Variants in MYL6 observed in about 807,000 individuals in gnomAD.
MYL6 encodes myosin light polypeptide 6.
A neutral mutation model predicts 20.3 loss-of-function variants in MYL6; 20 were observed. The observed-to-expected ratio is 0.98, with a 90% CI of 0.69 to 1.43. MYL6 has a LOEUF of 1.43. MYL6 is among the 40% of genes most tolerant of loss of function. The probability of loss-of-function intolerance (pLI) is 0.00; values close to 1 mark genes in which losing one functional copy is unlikely to be tolerated. For missense variants in MYL6, 164 were observed against 191.0 expected, an observed-to-expected ratio of 0.86 and a Z score of 0.83; for synonymous variants, 77 against 72.4, an observed-to-expected ratio of 1.06 and a Z score of -0.32.
chr12:56,160,602 A>G (rs1449641343), intron 5 of MYL6, 24 bp from the exon 6 acceptor site: 17 of 1,614,016 alleles, frequency 1.1e-5, no homozygotes, highest in Non-Finnish European at 1.4e-5. Flanking sequence ...TGTCTTCACC[A>G]TGAATGTCTC....
intron 1 of MYL6, 80 bp from the exon 2 acceptor site, chr12:56,158,604 G>A (rs1287685024): frequency 2.5e-6 from 4 of 1,613,826 alleles, no homozygotes; most frequent in South Asian, 1.1e-5. Flanking sequence ...CAGAGTTTGT[G>A]GGTCAGAGTT....
At chr12:56,158,987 T>C in intron 2 of MYL6, 1 of 1,345,182 alleles carries the variant, frequency 7.4e-7, no homozygotes, top group Non-Finnish European at 9.6e-7. Flanking sequence ...GTGTGGGGTC[T>C]CGGGAGGGTG....
chr12:56,159,333 T>C (rs1000074946), intron 2 of MYL6: 5 of 459,258 alleles, frequency 1.1e-5, no homozygotes, highest in African/African-American at 7.9e-5. Flanking sequence ...GCAGTGGAGA[T>C]TGGCAGGCCT....
chr12:56,160,000 T>C lies in MYL6; in HGVS notation c.201T>C (p.Phe67=), dbSNP rs777935989. The C allele has an allele frequency of 7.1e-5, 114 of 1,613,586 alleles. No homozygotes were observed. The highest frequency in any genetic ancestry group is 1.7e-4 in the Middle Eastern group (1 of 5,960). The part of the protein sequence containing the change: ...SDEMNVKVLD[F]EHFLPMLQTV... The stretch of plus-strand genomic sequence containing the variant: ...AGATGAATGTGAAGGTGCTGGACTT[T>C]GAGCACTTTCTGCCCATGCTGCAGA... Residue 67 remains phenylalanine, a synonymous_variant, in exon 4 of 7, where the codon TTT becomes TTC. Transcript: ENST00000550697.
chr12:56,159,117 G>C (rs971333569), intron 2 of MYL6: 13 of 361,710 alleles, frequency 3.6e-5, no homozygotes, highest in African/African-American at 2.8e-4. Context: ...GCAGTGACCT[G>C]ATATTCTGTG....
At position 56,158,989 on chromosome 12, in the gene MYL6, G is replaced by T. The variant is rs1037210141; in HGVS notation, c.31+278G>T. 7.5e-6 allele frequency: 10 copies of T among 1,338,364 alleles called. No individual in the cohort carries two copies. The African/African-American group carries it at 1.3e-4, about 18-fold the overall frequency. The allele number at this position is 1,338,364 out of a possible 1,614,324, so 82.9% of individuals were successfully genotyped here. On this transcript the variant is annotated intron_variant, in intron 2 of 6. Coordinates refer to ENST00000550697, the MANE Select transcript of MYL6 (RefSeq NM_021019.5). ...TAATGCCTGCTGTGTGTGGGGTCTCGGGAGGGTGTATAAAGCTGCCTGCTT... is the reference window on the plus strand; with the variant it reads ...TAATGCCTGCTGTGTGTGGGGTCTCTGGAGGGTGTATAAAGCTGCCTGCTT...
intron 6 of MYL6, 88 bp downstream of exon 6, chr12:56,160,758 C>A: frequency 7.2e-7 from 1 of 1,384,936 alleles, no homozygotes; most frequent in Non-Finnish European, 1.0e-6. Flanking sequence ...TGCCCTTACC[C>A]TACTACCATC....
At chr12:56,159,263 T>C in intron 2 of MYL6, 2 of 323,820 alleles carry the variant, frequency 6.2e-6, no homozygotes, top group Admixed American at 4.6e-5. Flanking sequence ...CCCACTTCCT[T>C]ATAAGGACAG....
chr12:56,158,562 G>A, intron 1 of MYL6, 122 bp from the exon 2 acceptor site: 2 of 1,613,498 alleles, frequency 1.2e-6, no homozygotes, highest in Non-Finnish European at 1.7e-6. Context: ...GCGGGGAAGC[G>A]AGTCTGCAGC....
chr12:56,159,262 T>C, intron 2 of MYL6: 1 of 324,732 alleles, frequency 3.1e-6, no homozygotes, highest in Non-Finnish European at 5.7e-6. Context: ...TCCCACTTCC[T>C]TATAAGGACA....
chr12:56,158,787 C>CTT, intron 2 of MYL6, 76 bp downstream of exon 2: 1 of 1,598,674 alleles, frequency 6.3e-7, no homozygotes, highest in Non-Finnish European at 8.5e-7. Context: ...ATCCTCTAAT[C>CTT]TTAATCTGTC....
chr12:56,159,745 G>C lies in MYL6; in HGVS notation c.175+15G>C, dbSNP rs201166409. On this transcript the variant is annotated intron_variant, in intron 3 of 6. Coordinates refer to ENST00000550697, the MANE Select transcript of MYL6 (RefSeq NM_021019.5). The stretch of plus-strand genomic sequence containing the variant: ...CAAGAGTGATGGTGAGGGGCCTAAA[G>C]AACAACTCCTCAGTGTGGTCATGGG... 3.7e-5 allele frequency: 60 copies of C among 1,612,392 alleles called. No homozygotes were observed. In the South Asian group the frequency reaches 6.2e-4, roughly 17 times the overall value.
At chr12:56,158,896 C>T (rs1421957927) in intron 2 of MYL6, 185 bp downstream of exon 2, 2 of 1,440,392 alleles carry the variant, frequency 1.4e-6, no homozygotes, top group Non-Finnish European at 1.8e-6. Flanking sequence ...TCCCCTTCCA[C>T]TCTAGATCTG....
Position 56,160,690 on chromosome 12 carries a change from C to T in MYL6, c.*16+20C>T, listed in dbSNP as rs1001165798. On this transcript the variant is annotated intron_variant, in intron 6 of 6. Coordinates refer to ENST00000550697, the MANE Select transcript of MYL6 (RefSeq NM_021019.5). ...GGGCGGGTACGGCTCCTCCCAGCCT[C>T]TCCTCTAGTTGATCTCCCCAGTGTT... The T allele has an allele frequency of 6.2e-7, 1 of 1,613,360 alleles. No homozygotes were observed. The highest frequency in any genetic ancestry group is 8.5e-7 in the Non-Finnish European group (1 of 1,179,400).
intron 2 of MYL6, 89 bp downstream of exon 2, chr12:56,158,800 C>T: frequency 6.3e-7 from 1 of 1,584,254 alleles, no homozygotes; most frequent in Non-Finnish European, 8.6e-7. Flanking sequence ...AATCTGTCAT[C>T]TCTTTAGCAC....
chr12:56,160,878 C>T, intron 6 of MYL6: 1 of 612,618 alleles, frequency 1.6e-6, no homozygotes, highest in Non-Finnish European at 2.9e-6. Context: ...AGAATGGGCC[C>T]TGAGGTTTTA....
intron 6 of MYL6, 147 bp downstream of exon 6, chr12:56,160,817 G>T: frequency 1.1e-6 from 1 of 899,518 alleles, no homozygotes; most frequent in Non-Finnish European, 1.7e-6. Flanking sequence ...GGGAGGGGAG[G>T]GATTCCTCAA....
chr12:56,159,042 G>C, intron 2 of MYL6: 1 of 846,224 alleles, frequency 1.2e-6, no homozygotes, highest in Non-Finnish European at 1.6e-6. Context: ...AGCTACTTCT[G>C]CCTCTTTTCT....
rs1565883894 is a variant in MYL6, at chr12:56,160,306, G to GT, written c.414dup (p.Ile139TyrfsTer4). ...GCAGGGCATGAGGACAGCAATGGTT[G>GT]TATCAACTATGAAGGTAAGAGGTGA... On this transcript the variant is annotated frameshift_variant, in exon 5 of 7. Transcript: ENST00000550697. LOFTEE classifies it high-confidence loss of function. 6 of 1,614,224 alleles carry GT rather than the reference G, an allele frequency of 3.7e-6. No homozygotes were observed. Among genetic ancestry groups the GT allele is most frequent in the Admixed American group, 1.7e-5 (1 of 60,032 alleles).
Sources: allele counts gnomAD v4.1 joint callset, GRCh38; gene constraint gnomAD v4.1.1; transcripts MANE v1.5; gene names NCBI Gene and HGNC (gene_info 2026-07-23, HGNC 2026-07-21).